The following ITGA1 variants were observed in gnomAD, a reference collection of about 807,000 sequenced individuals.
The protein encoded by ITGA1 is integrin alpha-1.
A neutral mutation model predicts 145.9 loss-of-function variants in ITGA1; 85 were observed. That is an observed-to-expected ratio of 0.58 (90% CI 0.49 to 0.70). The LOEUF is 0.70. Ranked by LOEUF, ITGA1 falls within the 30% of genes least tolerant of loss-of-function variation. The pLI is 0.00. For synonymous variants in ITGA1, 520 were observed against 495.3 expected, an observed-to-expected ratio of 1.05 and a Z score of -0.66; for missense variants, 1,351 against 1,418.7, an observed-to-expected ratio of 0.95 and a Z score of 0.77.
chr5:52,884,720 T>C (rs1475175040), intron 7 of ITGA1, among the ~76,000 whole-genome samples: 1 of 152,110 alleles, frequency 6.6e-6, no homozygotes, highest in Non-Finnish European at 1.5e-5. Flanking sequence ...GGCAGATAAA[T>C]AGTAGGAAAA....
intron 6 of ITGA1, among the ~76,000 whole-genome samples, chr5:52,871,919 G>A (rs904524827): frequency 6.6e-6 from 1 of 152,122 alleles, no homozygotes; most frequent in Non-Finnish European, 1.5e-5. Flanking sequence ...ATATGATGGT[G>A]TAAACATTAT....
rs556610960 is a variant in ITGA1 at position 52,933,887 on chromosome 5, T to G, written c.2862-7T>G. 1 of 1,414,794 alleles carries G rather than the reference T, an allele frequency of 7.1e-7. No homozygotes were observed. Among genetic ancestry groups the G allele is most frequent in the Admixed American group, 2.4e-5 (1 of 42,118 alleles). 87.6% of individuals were successfully genotyped at this position (1,414,794 alleles called of 1,614,324 possible). Reference sequence around the variant, plus strand: ...TGTTTTATTTTTCTTCTAATTAATTTTTTAAGCTCTGCAAGTGAATACCAC... The same window carrying G: ...TGTTTTATTTTTCTTCTAATTAATTGTTTAAGCTCTGCAAGTGAATACCAC... On this transcript the variant is annotated splice_polypyrimidine_tract_variant and splice_region_variant and intron_variant, in intron 22 of 28. Coordinates refer to ENST00000282588, the MANE Select transcript of ITGA1 (RefSeq NM_181501.2).
intron 1 of ITGA1, among the ~76,000 whole-genome samples, chr5:52,826,372 G>C (rs983712351): frequency 3.3e-5 from 5 of 152,186 alleles, no homozygotes; most frequent in African/African-American, 1.2e-4. Flanking sequence ...TGAGGTTTAA[G>C]GAAATAAACC....
intron 1 of ITGA1, among the ~76,000 whole-genome samples, chr5:52,804,217 A>G (rs985092778): frequency 1.3e-5 from 2 of 152,178 alleles, no homozygotes; most frequent in African/African-American, 4.8e-5. Flanking sequence ...TAAGTATTGG[A>G]TATGTGATAA....
chr5:52,852,698 A>G (rs1749447870), intron 2 of ITGA1, among the ~76,000 whole-genome samples: 1 of 152,164 alleles, frequency 6.6e-6, no homozygotes, highest in African/African-American at 2.4e-5. Flanking sequence ...GGGAGAAGTT[A>G]ATGTGTTAGT....
At chr5:52,799,868 C>A (rs181755219) in intron 1 of ITGA1, 2 of 164,252 alleles carry the variant, frequency 1.2e-5, no homozygotes, top group East Asian at 3.8e-4. Context: ...CTCACACACT[C>A]CCCGGATTCT....
chr5:52,830,507 G>C (rs1287867369), intron 1 of ITGA1, among the ~76,000 whole-genome samples: 1 of 151,990 alleles, frequency 6.6e-6, no homozygotes, highest in East Asian at 1.9e-4. Context: ...AAATAACTTA[G>C]TCATTTTTAA....
chr5:52,873,890 GGCA>G (rs1399802486), intron 6 of ITGA1, among the ~76,000 whole-genome samples: 2 of 151,978 alleles, frequency 1.3e-5, no homozygotes, highest in Non-Finnish European at 2.9e-5. Flanking sequence ...GCTTATGCTG[GGCA>G]TTAAAATTTG....
chr5:52,887,464 G>A (rs1237736940), intron 7 of ITGA1, among the ~76,000 whole-genome samples: 1 of 152,196 alleles, frequency 6.6e-6, no homozygotes, highest in Non-Finnish European at 1.5e-5. Context: ...GGTGTTTACA[G>A]AGAAAGGAGC....
At chr5:52,834,069 A>C (rs1253273903) in intron 1 of ITGA1, among the ~76,000 whole-genome samples, 1 of 152,188 alleles carries the variant, frequency 6.6e-6, no homozygotes, top group Non-Finnish European at 1.5e-5. Context: ...ATAACACATA[A>C]CATAAGACAG....
At chr5:52,889,498 A>G (rs1750109384) in intron 8 of ITGA1, among the ~76,000 whole-genome samples, 1 of 152,232 alleles carries the variant, frequency 6.6e-6, no homozygotes, top group Admixed American at 6.5e-5. Context: ...ACTTTCTATA[A>G]GTGAAAAATC....
chr5:52,800,995 G>T (rs776377670), intron 1 of ITGA1: 1 of 1,614,208 alleles, frequency 6.2e-7, no homozygotes, highest in South Asian at 1.1e-5. Flanking sequence ...ACACTTTGAT[G>T]TTGTAAAGTG....
chr5:52,928,665 CA>C (rs767044053), intron 20 of ITGA1, among the ~76,000 whole-genome samples: 21 of 152,088 alleles, frequency 1.4e-4, no homozygotes, highest in Non-Finnish European at 2.8e-4. Flanking sequence ...ATTGAATTTC[CA>C]AATATCAATT....
intron 1 of ITGA1, among the ~76,000 whole-genome samples, chr5:52,823,075 G>GT (rs1748905197): frequency 6.6e-6 from 1 of 152,164 alleles, no homozygotes; most frequent in Non-Finnish European, 1.5e-5. Flanking sequence ...AAGCTTTAAG[G>GT]TGAGTGAGTT....
intron 14 of ITGA1, among the ~76,000 whole-genome samples, chr5:52,911,381 GTATA>G (rs1442263357): frequency 1.5e-5 from 2 of 131,914 alleles, no homozygotes; most frequent in African/African-American, 2.7e-5. Context: ...TGAGTATATA[GTATA>G]TATAGTGTAT....
At chr5:52,851,790 G>A (rs1275928820) in intron 2 of ITGA1, among the ~76,000 whole-genome samples, 3 of 152,074 alleles carry the variant, frequency 2.0e-5, no homozygotes, top group Non-Finnish European at 4.4e-5. Flanking sequence ...AATATTTGTT[G>A]GTGGGTTAGG....
intron 1 of ITGA1, among the ~76,000 whole-genome samples, chr5:52,790,672 A>G (rs962716438): frequency 6.6e-5 from 10 of 152,154 alleles, no homozygotes; most frequent in Non-Finnish European, 1.2e-4. Flanking sequence ...TACCTTCCTA[A>G]GGATCCTTGT....
intron 1 of ITGA1, among the ~76,000 whole-genome samples, chr5:52,839,007 G>C (rs2406222): frequency 0.027 from 4,107 of 152,210 alleles, 208 homozygotes; most frequent in African/African-American, 0.093. Flanking sequence ...TGAGGTGGAA[G>C]AATCACTTGA....
At chr5:52,839,976 G>A (rs1749227349) in intron 1 of ITGA1, among the ~76,000 whole-genome samples, 1 of 152,090 alleles carries the variant, frequency 6.6e-6, no homozygotes, top group South Asian at 2.1e-4. Context: ...AAATAGTATA[G>A]GAGAATCAAC....
Sources: gnomAD v4.1 joint callset for allele counts (sites outside exome capture counted in the v4.1 genomes callset) on GRCh38, gnomAD v4.1.1 for gene constraint, MANE v1.5 for transcripts, NCBI Gene and HGNC (gene_info 2026-07-23, HGNC 2026-07-21) for gene names.